DRD2: variants seen among roughly 807,000 people sequenced by gnomAD.
The protein encoded by DRD2 is D(2) dopamine receptor.
A neutral mutation model predicts 38.0 loss-of-function variants in DRD2; 8 were observed. The observed-to-expected ratio is 0.21, with a 90% CI of 0.12 to 0.38. The LOEUF is 0.38. Among genes scored for constraint, DRD2 ranks in the 10% least tolerant of loss-of-function variants. The probability of loss-of-function intolerance (pLI) is 1.00; values close to 1 mark genes in which losing one functional copy is unlikely to be tolerated. For synonymous variants in DRD2, 230 were observed against 238.6 expected (o/e 0.96, Z 0.33); for missense variants, 403 against 607.7 (o/e 0.66, Z 3.54).
intron 1 of DRD2, among the ~76,000 whole-genome samples, chr11:113,439,293 G>A (rs373032212): frequency 6.6e-6 from 1 of 152,162 alleles, no homozygotes; most frequent in Non-Finnish European, 1.5e-5. Flanking sequence ...TGTTTGTTAT[G>A]CTGGAGGAAG....
At chr11:113,420,250 G>A (rs1950872739) in intron 2 of DRD2, among the ~76,000 whole-genome samples, 1 of 152,148 alleles carries the variant, frequency 6.6e-6, no homozygotes, top group South Asian at 2.1e-4. Context: ...CACTTATTGA[G>A]CAAATTACTG....
At chr11:113,425,938 T>A (rs541865248) in intron 1 of DRD2, among the ~76,000 whole-genome samples, 1 of 152,124 alleles carries the variant, frequency 6.6e-6, no homozygotes, top group East Asian at 1.9e-4. Flanking sequence ...ACAGGCCAGA[T>A]TGTGTCTTGT....
chr11:113,454,725 G>A (rs1316042352), intron 1 of DRD2, among the ~76,000 whole-genome samples: 1 of 152,254 alleles, frequency 6.6e-6, no homozygotes, highest in Admixed American at 6.5e-5. Context: ...ACTAATGGAT[G>A]AGTAGATAGA....
chr11:113,470,282 G>T (rs1195383597), intron 1 of DRD2, among the ~76,000 whole-genome samples: 3 of 152,232 alleles, frequency 2.0e-5, no homozygotes, highest in Non-Finnish European at 4.4e-5. Flanking sequence ...ACGTTCTGAA[G>T]GAGACCAATA....
chr11:113,461,330 T>C (rs1262658190), intron 1 of DRD2, among the ~76,000 whole-genome samples: 1 of 152,206 alleles, frequency 6.6e-6, no homozygotes, highest in Non-Finnish European at 1.5e-5. Context: ...GTCCTTGATC[T>C]TCTTCTCTAT....
chr11:113,460,122 A>C (rs915866295), intron 1 of DRD2, among the ~76,000 whole-genome samples: 10 of 152,256 alleles, frequency 6.6e-5, no homozygotes, highest in Non-Finnish European at 1.3e-4. Context: ...AGCGGCTATG[A>C]TTAGAGGCAC....
chr11:113,426,092 G>A (rs1458741956), intron 1 of DRD2, among the ~76,000 whole-genome samples: 1 of 152,092 alleles, frequency 6.6e-6, no homozygotes, highest in Non-Finnish European at 1.5e-5. Context: ...TCATCTGAAC[G>A]AAGATAGTGG....
At chr11:113,471,888 T>C (rs1473180224) in intron 1 of DRD2, among the ~76,000 whole-genome samples, 1 of 152,228 alleles carries the variant, frequency 6.6e-6, no homozygotes, top group Non-Finnish European at 1.5e-5. Flanking sequence ...GCTGCTGTTC[T>C]AAGCTATTTT....
intron 2 of DRD2, among the ~76,000 whole-genome samples, chr11:113,420,983 A>G (rs1950879275): frequency 6.6e-6 from 1 of 152,142 alleles, no homozygotes; most frequent in African/African-American, 2.4e-5. Flanking sequence ...CTAAGTCCTA[A>G]TAACTGTAAT....
At chr11:113,436,828 G>A (rs1319856421) in intron 1 of DRD2, among the ~76,000 whole-genome samples, 2 of 152,090 alleles carry the variant, frequency 1.3e-5, no homozygotes, top group African/African-American at 4.8e-5. Context: ...TGCAAGCCAG[G>A]CTTCAAGGTA....
At chr11:113,433,549 A>G (rs1951008438) in intron 1 of DRD2, among the ~76,000 whole-genome samples, 1 of 152,104 alleles carries the variant, frequency 6.6e-6, no homozygotes, top group Non-Finnish European at 1.5e-5. Context: ...CTCCCCCGGC[A>G]TGGGGAGCCT....
chr11:113,459,520 G>C (rs1324749033), intron 1 of DRD2, among the ~76,000 whole-genome samples: 2 of 152,268 alleles, frequency 1.3e-5, no homozygotes, highest in East Asian at 3.9e-4. Context: ...CCTAATTCTA[G>C]AGACCTCCAT....
chr11:113,427,309 A>G (rs1457224415), intron 1 of DRD2, among the ~76,000 whole-genome samples: 1 of 152,024 alleles, frequency 6.6e-6, no homozygotes, highest in East Asian at 1.9e-4. Flanking sequence ...CATCCTTCAA[A>G]GTGAGTCTTG....
chr11:113,414,474 C>T lies in DRD2; in HGVS notation c.724-13G>A. 1.2e-6 allele frequency: 2 copies of T among 1,614,028 alleles called. No homozygotes were observed. Among genetic ancestry groups the T allele is most frequent in the Non-Finnish European group, 1.7e-6 (2 of 1,179,960 alleles). ...GAGTACAGTTGCCCTGTGGAGTGAG[C>T]CAGCACATGGGTCACACAAAGTGGT... is the stretch of plus-strand genomic sequence containing the variant. On this transcript the variant is annotated splice_polypyrimidine_tract_variant and intron_variant, in intron 5 of 7. Coordinates refer to ENST00000362072, the MANE Select transcript of DRD2 (RefSeq NM_000795.4).
chr11:113,466,311 A>T (rs1346798689), intron 1 of DRD2, among the ~76,000 whole-genome samples: 4 of 152,216 alleles, frequency 2.6e-5, no homozygotes, highest in Non-Finnish European at 5.9e-5. Flanking sequence ...AATTCCCCAA[A>T]GTCTAAACAC....
intron 2 of DRD2, among the ~76,000 whole-genome samples, chr11:113,420,106 T>G (rs1950871782): frequency 6.6e-6 from 1 of 152,212 alleles, no homozygotes; most frequent in Non-Finnish European, 1.5e-5. Context: ...CTACCTGATT[T>G]ACATCCCACT....
intron 1 of DRD2, chr11:113,425,114 A>T (rs1181318129): frequency 4.9e-6 from 1 of 202,444 alleles, no homozygotes; most frequent in Non-Finnish European, 1.0e-5. Context: ...TATAGGCAGG[A>T]ACAAAATATA....
chr11:113,458,304 C>T (rs1046593363), intron 1 of DRD2, among the ~76,000 whole-genome samples: 7 of 152,146 alleles, frequency 4.6e-5, no homozygotes, highest in African/African-American at 1.2e-4. Flanking sequence ...TTCCTCATTT[C>T]GTGCTTTGAT....
chr11:113,444,889 G>A (rs1951130118), intron 1 of DRD2, among the ~76,000 whole-genome samples: 1 of 152,230 alleles, frequency 6.6e-6, no homozygotes, highest in Non-Finnish European at 1.5e-5. Flanking sequence ...AGAGGGTAAC[G>A]TGGCTAATGT....
Sources: allele counts gnomAD v4.1 joint callset (sites outside exome capture counted in the v4.1 genomes callset), GRCh38; gene constraint gnomAD v4.1.1; transcripts MANE v1.5; gene names NCBI Gene and HGNC (gene_info 2026-07-23, HGNC 2026-07-21).